Variants in CDH9 observed in about 807,000 individuals in gnomAD.
CDH9 encodes the protein cadherin 9, also known as cadherin-9.
CDH9 carries 28 observed loss-of-function variants against 70.9 expected under a neutral mutation model. The observed-to-expected ratio is 0.40, with a 90% confidence interval of 0.29 to 0.54. The LOEUF (loss-of-function observed/expected upper bound fraction) is 0.54, where lower values mean the gene tolerates loss of function less well. Ranked by LOEUF, CDH9 falls within the 20% of genes least tolerant of loss-of-function variation. The probability of loss-of-function intolerance (pLI) is 0.59; values close to 1 mark genes in which losing one functional copy is unlikely to be tolerated. For missense variants in CDH9, 874 were observed against 984.4 expected, an observed-to-expected ratio of 0.89 and a Z score of 1.50; for synonymous variants, 409 against 343.1, an observed-to-expected ratio of 1.19 and a Z score of -2.12.
intron 2 of CDH9, among the ~76,000 whole-genome samples, chr5:26,977,211 T>C (rs1384733311): frequency 1.3e-5 from 2 of 152,032 alleles, no homozygotes; most frequent in Non-Finnish European, 2.9e-5. Flanking sequence ...GTTAGTTTCT[T>C]TATTCTCAAA....
intron 1 of CDH9, among the ~76,000 whole-genome samples, chr5:27,006,444 A>G (rs967158957): frequency 5.3e-5 from 8 of 152,030 alleles, no homozygotes; most frequent in African/African-American, 1.9e-4. Flanking sequence ...GAGGAGTTCT[A>G]TTCTCCTCTA....
At chr5:26,926,805 T>C (rs1463414242) in intron 2 of CDH9, among the ~76,000 whole-genome samples, 3 of 151,410 alleles carry the variant, frequency 2.0e-5, no homozygotes, top group Non-Finnish European at 2.9e-5. Context: ...TCTACAACCA[T>C]CTGATCTTTG....
chr5:27,036,894 T>C (rs1171946293), intron 1 of CDH9, among the ~76,000 whole-genome samples: 1 of 152,008 alleles, frequency 6.6e-6, no homozygotes, highest in African/African-American at 2.4e-5. Flanking sequence ...ATTTATGTTA[T>C]GTTCAAGTTC....
intron 1 of CDH9, among the ~76,000 whole-genome samples, chr5:27,037,314 T>A (rs1380930841): frequency 2.0e-5 from 3 of 151,936 alleles, no homozygotes; most frequent in Non-Finnish European, 4.4e-5. Context: ...CTATTAGGAA[T>A]CTCATCTACC....
At chr5:27,035,694 GT>G (rs1743380375) in intron 1 of CDH9, among the ~76,000 whole-genome samples, 1 of 144,236 alleles carries the variant, frequency 6.9e-6, no homozygotes, top group African/African-American at 2.9e-5. Flanking sequence ...GTGTGTGTGT[GT>G]GTGTGTGTGT....
chr5:26,923,735 A>G (rs887746903), intron 2 of CDH9, among the ~76,000 whole-genome samples: 1 of 152,134 alleles, frequency 6.6e-6, no homozygotes, highest in Non-Finnish European at 1.5e-5. Flanking sequence ...CAATGGAATA[A>G]AACTAGAACT....
At chr5:26,975,736 C>A (rs1364551920) in intron 2 of CDH9, among the ~76,000 whole-genome samples, 1 of 152,124 alleles carries the variant, frequency 6.6e-6, no homozygotes, top group Non-Finnish European at 1.5e-5. Context: ...GGCCACCAAC[C>A]AAAGAGGAAG....
chr5:26,930,502 T>G (rs895091807), intron 2 of CDH9, among the ~76,000 whole-genome samples: 6 of 152,108 alleles, frequency 3.9e-5, no homozygotes, highest in Non-Finnish European at 8.8e-5. Context: ...CATCCACGTT[T>G]GGTTGAAAAA....
intron 1 of CDH9, among the ~76,000 whole-genome samples, chr5:27,010,421 T>C (rs1439859395): frequency 6.6e-6 from 1 of 152,140 alleles, no homozygotes; most frequent in Non-Finnish European, 1.5e-5. Flanking sequence ...ATCTTTCCTG[T>C]ACCCCAGCAA....
intron 1 of CDH9, among the ~76,000 whole-genome samples, chr5:27,024,536 A>G (rs900357246): frequency 6.6e-6 from 1 of 152,090 alleles, no homozygotes; most frequent in Admixed American, 6.6e-5. Context: ...CTTCTCAAAC[A>G]CAGTAGTGAA....
chr5:26,901,073 G>T (rs78749922), intron 7 of CDH9, among the ~76,000 whole-genome samples: 2,740 of 151,888 alleles, frequency 0.018, 78 homozygotes, highest in African/African-American at 0.064. Flanking sequence ...GTCATTGGAC[G>T]GCTAGATTAA....
At chr5:27,035,130 T>C (rs1406848268) in intron 1 of CDH9, among the ~76,000 whole-genome samples, 2 of 149,324 alleles carry the variant, frequency 1.3e-5, no homozygotes, top group African/African-American at 4.9e-5. Flanking sequence ...AATTTGAGTT[T>C]CATGGCTTAA....
intron 1 of CDH9, among the ~76,000 whole-genome samples, chr5:27,020,730 A>ACACACACG (rs1478884502): frequency 4.6e-5 from 2 of 43,534 alleles, no homozygotes; most frequent in Non-Finnish European, 1.2e-4. Context: ...TCACACACGC[A>ACACACACG]CACACACACA....
At chr5:26,926,921 C>CCG (rs150567720) in intron 2 of CDH9, among the ~76,000 whole-genome samples, 1 of 134,996 alleles carries the variant, frequency 7.4e-6, no homozygotes, top group Non-Finnish European at 1.6e-5. Context: ...AATACAGCCC[C>CCG]CCCCCGCAAA....
intron 1 of CDH9, among the ~76,000 whole-genome samples, chr5:27,033,746 T>G (rs1743347687): frequency 6.6e-6 from 1 of 151,610 alleles, no homozygotes; most frequent in Non-Finnish European, 1.5e-5. Flanking sequence ...TATGTAATAA[T>G]ACTACAGTAA....
intron 9 of CDH9, 58 bp from the exon 10 acceptor site, chr5:26,886,141 C>A: frequency 6.6e-7 from 1 of 1,516,520 alleles, no homozygotes; most frequent in Non-Finnish European, 8.8e-7. Flanking sequence ...CTTGTTATTA[C>A]AAGATATCTT....
chr5:27,016,531 T>C (rs1263135210), intron 1 of CDH9, among the ~76,000 whole-genome samples: 1 of 151,928 alleles, frequency 6.6e-6, no homozygotes, highest in Non-Finnish European at 1.5e-5. Context: ...TTGTGAGCTT[T>C]GAGTTTTCCA....
intron 2 of CDH9, among the ~76,000 whole-genome samples, chr5:26,956,684 G>T (rs1245091691): frequency 1.3e-5 from 2 of 152,072 alleles, no homozygotes; most frequent in Non-Finnish European, 2.9e-5. Context: ...ACCATGGCAT[G>T]ACACAGAGAG....
In CDH9 at chr5:26,969,809, A is replaced by G. The variant is rs1394255783; in HGVS notation, c.228+18297T>C. 2.0e-5 allele frequency among the ~76,000 whole-genome samples: 3 copies of G among 151,412 alleles called. No homozygotes were observed. In the Admixed American group the frequency reaches 2.0e-4, roughly 10 times the overall value. On this transcript the variant is annotated intron_variant, in intron 2 of 11. Coordinates refer to ENST00000231021, the MANE Select transcript of CDH9 (RefSeq NM_016279.4). ...ATTCTCTTTTCCTTGTCTTATTGAA[A>G]ATTGTCATCAAAGATCTTAGATGTT...
Sources: allele counts gnomAD v4.1 joint callset (sites outside exome capture counted in the v4.1 genomes callset), GRCh38; gene constraint gnomAD v4.1.1; transcripts MANE v1.5; gene names NCBI Gene and HGNC (gene_info 2026-07-23, HGNC 2026-07-21).